The following TASP1 variants were observed in gnomAD, a reference collection of about 807,000 sequenced individuals.
TASP1 encodes taspase 1, also known as threonine aspartase 1.
TASP1 carries 16 observed loss-of-function variants against 56.6 expected under a neutral mutation model. The ratio of observed to expected loss-of-function variants is 0.28; its 90% CI spans 0.19 to 0.43. The LOEUF (loss-of-function observed/expected upper bound fraction) is 0.43, where lower values mean the gene tolerates loss of function less well. Among genes scored for constraint, TASP1 ranks in the 20% least tolerant of loss-of-function variants. The probability of loss-of-function intolerance (pLI) is 1.00; values close to 1 mark genes in which losing one functional copy is unlikely to be tolerated. For missense variants in TASP1, 393 were observed against 511.6 expected (o/e 0.77, Z 2.24); for synonymous variants, 179 against 184.2 (o/e 0.97, Z 0.23).
the TASP1 span, among the ~76,000 whole-genome samples, chr20:13,327,590 T>C: frequency 2.6e-5 from 4 of 152,204 alleles, no homozygotes; most frequent in African/African-American, 9.6e-5. Context: ...AACAGCATGG[T>C]ACTGGTACAA....
At chr20:13,198,841 T>TC in the TASP1 span, among the ~76,000 whole-genome samples, 3 of 146,034 alleles carry the variant, frequency 2.1e-5, no homozygotes, top group Admixed American at 1.4e-4. Context: ...TTTCTTTCTT[T>TC]CTTTCTTTCT....
chr20:13,439,517 G>A (rs189804256), intron 11 of TASP1, among the ~76,000 whole-genome samples: 1,963 of 152,220 alleles, frequency 0.013, 22 homozygotes, highest in Non-Finnish European at 0.022. Context: ...GGGGTCGGGG[G>A]AGTGGGGAGG....
At chr20:13,133,256 C>A in the TASP1 span, among the ~76,000 whole-genome samples, 1 of 152,124 alleles carries the variant, frequency 6.6e-6, no homozygotes, top group African/African-American at 2.4e-5. Context: ...AAACAGCTTG[C>A]GGACCCTCTA....
intron 4 of TASP1, among the ~76,000 whole-genome samples, chr20:13,609,556 T>C (rs2048276300): frequency 6.6e-6 from 1 of 151,652 alleles, no homozygotes; most frequent in Non-Finnish European, 1.5e-5. Context: ...GGCATGGCGG[T>C]GGGCGCCTAT....
At chr20:13,215,288 C>A in the TASP1 span, among the ~76,000 whole-genome samples, 1 of 152,184 alleles carries the variant, frequency 6.6e-6, no homozygotes, top group Non-Finnish European at 1.5e-5. Flanking sequence ...CCCTTCCCAA[C>A]ATGTAGACCC....
intron 8 of TASP1, among the ~76,000 whole-genome samples, chr20:13,542,045 C>CA (rs374309655): frequency 0.09 from 5,961 of 66,226 alleles, 217 homozygotes; most frequent in African/African-American, 0.2. Flanking sequence ...ACTCCGTCTC[C>CA]AAAAAAAAAA....
the TASP1 span, among the ~76,000 whole-genome samples, chr20:13,318,136 A>AAAATAAATAAATAAATAAATAAAT: frequency 9.0e-3 from 1,308 of 145,118 alleles, 9 homozygotes; most frequent in Middle Eastern, 0.018. Context: ...GACACTTGAA[A>AAAATAAATAAATAAATAAATAAAT]AAATAAATAA....
At chr20:13,117,518 C>T in the TASP1 span, 2 of 1,594,078 alleles carry the variant, frequency 1.3e-6, no homozygotes, top group Middle Eastern at 1.7e-4. Context: ...TGGAAGGTTC[C>T]ATCGTGCATC....
the TASP1 span, among the ~76,000 whole-genome samples, chr20:13,294,200 C>T: frequency 1.3e-5 from 2 of 152,054 alleles, no homozygotes; most frequent in Non-Finnish European, 2.9e-5. Flanking sequence ...TTTTTAAATG[C>T]TTGATAGAAA....
chr20:13,613,146 T>C (rs1399987761), intron 4 of TASP1, among the ~76,000 whole-genome samples: 1 of 152,200 alleles, frequency 6.6e-6, no homozygotes, highest in Non-Finnish European at 1.5e-5. Context: ...AATAGAGATC[T>C]GCAACATAGA....
chr20:13,310,751 A>G, the TASP1 span, among the ~76,000 whole-genome samples: 21 of 152,230 alleles, frequency 1.4e-4, no homozygotes, highest in Admixed American at 7.2e-4. Flanking sequence ...AAAAGTGAGC[A>G]AAGGACCTGA....
rs72073014 is a variant in TASP1, at chr20:13,457,599, TTTTTAA to T, written c.986-22451_986-22446del. On this transcript the variant is annotated intron_variant, in intron 11 of 13. Transcript: ENST00000337743. ...TCACAACTTTTTAATGCTTTTTTTC[TTTTTAA>T]TTTTATTTTATTTTTCAACTTTTAT... is the stretch of plus-strand genomic sequence containing the variant. Among the ~76,000 whole-genome samples the T allele has an allele frequency of 4.5e-3, 690 of 152,262 alleles. 3 individuals carry two copies. Among genetic ancestry groups the T allele is most frequent in the East Asian group, 0.012 (60 of 5,190 alleles).
the TASP1 span, among the ~76,000 whole-genome samples, chr20:13,259,634 C>T: frequency 1.3e-5 from 2 of 152,202 alleles, no homozygotes; most frequent in African/African-American, 2.4e-5. Flanking sequence ...ATAAATAAGA[C>T]TGATTAATGT....
At chr20:13,261,333 G>T in the TASP1 span, among the ~76,000 whole-genome samples, 1 of 151,692 alleles carries the variant, frequency 6.6e-6, no homozygotes, top group Non-Finnish European at 1.5e-5. Flanking sequence ...CAGGAGAATC[G>T]CCTGAACCCA....
chr20:13,629,342 C>T (rs1390226342), intron 2 of TASP1, among the ~76,000 whole-genome samples: 3 of 128,470 alleles, frequency 2.3e-5, no homozygotes, highest in African/African-American at 6.1e-5. Flanking sequence ...CCAACCTGGG[C>T]GACAAGAGTA....
the TASP1 span, among the ~76,000 whole-genome samples, chr20:13,318,623 TA>T: frequency 1.5e-4 from 23 of 152,228 alleles, no homozygotes; most frequent in African/African-American, 5.3e-4. Context: ...AACTATATCT[TA>T]TTAGCACTGA....
At chr20:13,288,620 C>T in the TASP1 span, 7 of 1,613,846 alleles carry the variant, frequency 4.3e-6, no homozygotes, top group African/African-American at 4.0e-5. Flanking sequence ...GAAACGGACC[C>T]GGTCTTGTGG....
At chr20:13,165,965 C>A in the TASP1 span, 1 of 152,360 alleles carries the variant, frequency 6.6e-6, no homozygotes, top group Non-Finnish European at 1.5e-5. Context: ...TGTGTTCTCT[C>A]TTTCTTGCTC....
the TASP1 span, among the ~76,000 whole-genome samples, chr20:13,255,891 A>G: frequency 6.6e-5 from 10 of 150,678 alleles, no homozygotes; most frequent in Non-Finnish European, 1.5e-4. Context: ...CCAGCCATTC[A>G]TTCATTCAGA....
Sources: allele counts gnomAD v4.1 joint callset (sites outside exome capture counted in the v4.1 genomes callset), GRCh38; gene constraint gnomAD v4.1.1; transcripts MANE v1.5; gene names NCBI Gene and HGNC (gene_info 2026-07-23, HGNC 2026-07-21).